The following ADGRG2 variants were observed in gnomAD, a reference collection of about 807,000 sequenced individuals.
ADGRG2 encodes G protein-coupled receptor 64.
ADGRG2 carries 26 observed loss-of-function variants against 74.1 expected under a neutral mutation model. The observed-to-expected ratio is 0.35, with a 90% CI of 0.26 to 0.49. The LOEUF is 0.49. Ranked by LOEUF, ADGRG2 falls within the 20% of genes least tolerant of loss-of-function variation. ADGRG2 has a pLI of 0.99. For synonymous variants in ADGRG2, 296 were observed against 295.2 expected, an observed-to-expected ratio of 1.00 and a Z score of -0.03; for missense variants, 619 against 763.1, an observed-to-expected ratio of 0.81 and a Z score of 2.22.
intron 2 of ADGRG2, among the ~76,000 whole-genome samples, chrX:19,079,860 T>C (rs984968004): frequency 3.6e-5 from 4 of 110,996 alleles, no homozygotes; most frequent in African/African-American, 1.3e-4. Flanking sequence ...AATGTAAACA[T>C]ACACTCACCA....
intron 21 of ADGRG2, 21 bp from the exon 22 acceptor site, chrX:19,006,126 A>G: frequency 8.8e-7 from 1 of 1,140,702 alleles, no homozygotes; most frequent in African/African-American, 1.8e-5. Flanking sequence ...TGGGAAGAAC[A>G]TCTGTCCCAT....
chrX:19,003,491 G>C (rs2060171443), intron 23 of ADGRG2, among the ~76,000 whole-genome samples: 1 of 111,174 alleles, frequency 9.0e-6, no homozygotes, highest in South Asian at 3.8e-4. Flanking sequence ...CAGGCTCTTT[G>C]AGTTTTAAGC....
intron 28 of ADGRG2, among the ~76,000 whole-genome samples, chrX:18,992,892 G>A (rs2059947238): frequency 1.8e-5 from 2 of 111,984 alleles, no homozygotes; most frequent in South Asian, 3.7e-4. Context: ...GAGCTCTTTC[G>A]AGAATATGGA....
In ADGRG2 at chrX:19,023,430, T is replaced by G. The variant is rs750091578; in HGVS notation, c.534A>C (p.Thr178=). ...AAATGACTGACCTTTGGGCCTCTGC[T>G]GTAGCACACATTATAAAGTAAGTCT... The part of the protein sequence containing the change: ...LSETYFIMCA[T]AEAQSTLNCT... The change falls in exon 13 of 29, where the codon ACA becomes ACC. Residue 178 remains threonine (T), a synonymous_variant. Transcript: ENST00000379869. The G allele has an allele frequency of 9.0e-7, 1 of 1,110,150 alleles. No homozygotes were observed. The highest frequency in any genetic ancestry group is 3.0e-5 in the East Asian group (1 of 33,265). The allele number at this position is 1,110,150 out of a possible 1,213,427, so 91.5% of individuals were successfully genotyped here.
chrX:19,108,104 C>CAA (rs143987070), intron 1 of ADGRG2, among the ~76,000 whole-genome samples: 2 of 44,939 alleles, frequency 4.5e-5, no homozygotes, highest in Non-Finnish European at 9.1e-5. Flanking sequence ...GACTCCGTCT[C>CAA]AAAAAAAAAA....
intron 3 of ADGRG2, among the ~76,000 whole-genome samples, chrX:19,045,835 CA>C (rs1456074332): frequency 9.0e-6 from 1 of 111,436 alleles, no homozygotes; most frequent in African/African-American, 3.3e-5. Flanking sequence ...ATTCAGCCTC[CA>C]AACAAGTTTT....
chrX:18,994,431 A>C (rs1270933457), intron 28 of ADGRG2, among the ~76,000 whole-genome samples: 1 of 110,289 alleles, frequency 9.1e-6, no homozygotes, highest in Non-Finnish European at 1.9e-5. Context: ...CAGGAGGTGG[A>C]GGTTGCAGTG....
At chrX:19,084,600 A>C (rs2061908997) in intron 1 of ADGRG2, among the ~76,000 whole-genome samples, 1 of 112,512 alleles carries the variant, frequency 8.9e-6, no homozygotes, top group Non-Finnish European at 1.9e-5. Context: ...AATCAAAGAA[A>C]GAAAGAAATC....
intron 3 of ADGRG2, among the ~76,000 whole-genome samples, chrX:19,057,622 T>C (rs983923872): frequency 9.0e-6 from 1 of 111,126 alleles, no homozygotes; most frequent in African/African-American, 3.3e-5. Context: ...GCCCAGGAGT[T>C]TGAGCCCAGG....
intron 3 of ADGRG2, among the ~76,000 whole-genome samples, chrX:19,062,493 G>T (rs2061503216): frequency 8.9e-6 from 1 of 112,198 alleles, no homozygotes; most frequent in African/African-American, 3.2e-5. Context: ...GCAGGGGTCA[G>T]TGGGGGTTGT....
At chrX:19,030,924 A>C in intron 9 of ADGRG2, 60 bp downstream of exon 9, 10 of 776,753 alleles carry the variant, frequency 1.3e-5, no homozygotes, top group African/African-American at 2.1e-5. Context: ...AAAGAAAGTG[A>C]ACCATTTATC....
chrX:19,051,050 G>C (rs2061310678), intron 3 of ADGRG2, among the ~76,000 whole-genome samples: 1 of 111,915 alleles, frequency 8.9e-6, no homozygotes, highest in Non-Finnish European at 1.9e-5. Flanking sequence ...CCCACCTCCT[G>C]GTTCCATGTC....
chrX:19,004,937 A>G, intron 22 of ADGRG2, 58 bp from the exon 23 acceptor site: 3 of 942,958 alleles, frequency 3.2e-6, no homozygotes, highest in Non-Finnish European at 4.4e-6. Context: ...TACAAGACTT[A>G]TGATGTATCA....
chrX:19,051,186 T>C (rs2061314308), intron 3 of ADGRG2, among the ~76,000 whole-genome samples: 1 of 111,861 alleles, frequency 8.9e-6, no homozygotes, highest in African/African-American at 3.3e-5. Context: ...ACCATTCTCC[T>C]GCCTCGGCCT....
At chrX:18,998,600 CTTT>C (rs768424519) in intron 26 of ADGRG2, among the ~76,000 whole-genome samples, 1 of 81,200 alleles carries the variant, frequency 1.2e-5, no homozygotes, top group African/African-American at 4.7e-5. Context: ...ACAGATAGTA[CTTT>C]TTTTTTTTTT....
chrX:19,045,973 C>T (rs1456676879), intron 3 of ADGRG2, among the ~76,000 whole-genome samples: 3 of 112,236 alleles, frequency 2.7e-5, no homozygotes, highest in Non-Finnish European at 5.6e-5. Flanking sequence ...CAGCCTCCCA[C>T]TCATGGGCTC....
chrX:19,096,934 G>A (rs6527893), intron 1 of ADGRG2, among the ~76,000 whole-genome samples: 34,789 of 111,763 alleles, frequency 0.31, 7,541 homozygotes, highest in African/African-American at 0.79. Context: ...TAGTGCCATC[G>A]TTAACTGCTT....
chrX:19,115,512 C>A (rs1200684826), intron 1 of ADGRG2, among the ~76,000 whole-genome samples: 1 of 111,701 alleles, frequency 9.0e-6, no homozygotes, highest in Non-Finnish European at 1.9e-5. Flanking sequence ...TCAGATGAAA[C>A]AAAGAAACTA....
At chrX:19,086,886 C>T (rs1394833955) in intron 1 of ADGRG2, among the ~76,000 whole-genome samples, 1 of 111,330 alleles carries the variant, frequency 9.0e-6, no homozygotes, top group Non-Finnish European at 1.9e-5. Flanking sequence ...ACACTGACAC[C>T]GACACCATGG....
Sources: allele counts gnomAD v4.1 joint callset (sites outside exome capture counted in the v4.1 genomes callset), GRCh38; gene constraint gnomAD v4.1.1; transcripts MANE v1.5; gene names NCBI Gene and HGNC (gene_info 2026-07-23, HGNC 2026-07-21).